Variants in SCML4 observed in about 807,000 individuals in gnomAD.
SCML4 encodes Scm polycomb group protein like 4.
Under a neutral mutation model 41.1 loss-of-function variants are expected in SCML4, and 34 were observed. The ratio of observed to expected loss-of-function variants is 0.83; its 90% CI spans 0.63 to 1.10. SCML4 has a LOEUF of 1.10. SCML4 is among the 50% of genes least tolerant of loss of function. SCML4 has a pLI of 0.00. For missense variants in SCML4, 522 were observed against 534.1 expected (o/e 0.98, Z 0.22); for synonymous variants, 214 against 220.9 (o/e 0.97, Z 0.28).
chr6:107,802,678 C>A (rs1379786300), intron 1 of SCML4, among the ~76,000 whole-genome samples: 1 of 2,420 alleles, frequency 4.1e-4, no homozygotes, highest in African/African-American at 5.1e-4. Flanking sequence ...TCCCTCCTCT[C>A]CCTCTCCCTC....
At chr6:107,802,817 C>A (rs1783312526) in intron 1 of SCML4, among the ~76,000 whole-genome samples, 1 of 151,282 alleles carries the variant, frequency 6.6e-6, no homozygotes, top group African/African-American at 2.4e-5. Context: ...TGTACTGCTG[C>A]CATCTCGGCT....
chr6:107,713,272 C>T (rs1391757265), intron 6 of SCML4, among the ~76,000 whole-genome samples: 1 of 152,204 alleles, frequency 6.6e-6, no homozygotes, highest in African/African-American at 2.4e-5. Flanking sequence ...TGTGGAGGAG[C>T]GGAATTAGCA....
At chr6:107,757,288 G>A (rs888128002) in intron 2 of SCML4, among the ~76,000 whole-genome samples, 2 of 152,154 alleles carry the variant, frequency 1.3e-5, no homozygotes, top group African/African-American at 4.8e-5. Flanking sequence ...GGAGATGTGC[G>A]GTCAAGAGCA....
intron 1 of SCML4, among the ~76,000 whole-genome samples, chr6:107,804,221 T>A (rs373572315): frequency 8.1e-5 from 12 of 148,524 alleles, no homozygotes; most frequent in African/African-American, 3.0e-4. Context: ...CTGTACTAAT[T>A]TGCTAATTTA....
intron 1 of SCML4, among the ~76,000 whole-genome samples, chr6:107,795,614 A>G (rs1782649330): frequency 6.6e-6 from 1 of 151,844 alleles, no homozygotes; most frequent in Non-Finnish European, 1.5e-5. Context: ...TGCAACCTCC[A>G]CTTCCCGGGT....
chr6:107,729,617 C>T (rs564406863), intron 5 of SCML4, among the ~76,000 whole-genome samples: 5 of 152,250 alleles, frequency 3.3e-5, no homozygotes, highest in South Asian at 2.1e-4. Flanking sequence ...TGTACATCCA[C>T]GACATATAAT....
intron 6 of SCML4, chr6:107,718,845 C>G (rs965867101): frequency 1.3e-5 from 2 of 152,114 alleles, no homozygotes; most frequent in African/African-American, 4.8e-5. Flanking sequence ...GATCACCACC[C>G]TGAGAAAAGG....
At chr6:107,842,075 C>T in the SCML4 span, among the ~76,000 whole-genome samples, 1 of 152,192 alleles carries the variant, frequency 6.6e-6, no homozygotes, top group Non-Finnish European at 1.5e-5. Flanking sequence ...AAATTTTCCT[C>T]TAAAGCACTG....
the SCML4 span, among the ~76,000 whole-genome samples, chr6:107,832,916 T>C: frequency 1.3e-5 from 2 of 152,176 alleles, no homozygotes; most frequent in African/African-American, 4.8e-5. Flanking sequence ...CAGAAACTCA[T>C]GAAGAGACTG....
the SCML4 span, among the ~76,000 whole-genome samples, chr6:107,832,404 C>T: frequency 2.6e-5 from 4 of 152,248 alleles, no homozygotes; most frequent in Admixed American, 6.5e-5. Context: ...GCTTCCAGGC[C>T]ACATGCTTCC....
At chr6:107,826,835 G>A (rs1404136780), upstream of SCML4, among the ~76,000 whole-genome samples, 3 of 152,188 alleles carry the variant, frequency 2.0e-5, no homozygotes, top group Non-Finnish European at 4.4e-5. Flanking sequence ...AGGCTGAGGT[G>A]GGCAGATCAC....
intron 2 of SCML4, among the ~76,000 whole-genome samples, chr6:107,771,597 G>A (rs2114569925): frequency 6.6e-6 from 1 of 152,290 alleles, no homozygotes; most frequent in African/African-American, 2.4e-5. Flanking sequence ...TGCCTGATAT[G>A]CCTCCTTGTA....
At chr6:107,841,919 A>G in the SCML4 span, among the ~76,000 whole-genome samples, 1 of 152,104 alleles carries the variant, frequency 6.6e-6, no homozygotes, top group Non-Finnish European at 1.5e-5. Flanking sequence ...TCTTGTTTTA[A>G]TATTATTGAT....
rs1369888976 is a variant in SCML4, at chr6:107,703,017, C to T, written c.*2183G>A. Among the ~76,000 whole-genome samples the T allele has an allele frequency of 6.6e-6, 1 of 152,156 alleles. No individual in the cohort carries two copies. The highest frequency in any genetic ancestry group is 1.5e-5 in the Non-Finnish European group (1 of 68,032). On this transcript the variant is annotated 3_prime_UTR_variant, in exon 8 of 8. Transcript: ENST00000369020. ...GCAACGAGAGTGACCTCTGGTTGTC[C>T]TCGCTGCTATACTACCACCAGTGCC...
chr6:107,721,133 C>T (rs1775369449), intron 5 of SCML4, 140 bp from the exon 6 acceptor site: 4 of 986,270 alleles, frequency 4.1e-6, no homozygotes, highest in Non-Finnish European at 5.7e-6. Flanking sequence ...ATGAACCTCA[C>T]AACATAATTC....
chr6:107,759,897 G>C (rs1779444451), intron 2 of SCML4, among the ~76,000 whole-genome samples: 1 of 152,232 alleles, frequency 6.6e-6, no homozygotes, highest in South Asian at 2.1e-4. Context: ...CAGGGCAGTG[G>C]CAAGAATACA....
chr6:107,839,337 GAGAA>G, the SCML4 span, among the ~76,000 whole-genome samples: 26 of 13,132 alleles, frequency 2.0e-3, no homozygotes, highest in South Asian at 0.079. Context: ...GAAAGAGAGA[GAGAA>G]AAAGAAAGAA....
chr6:107,771,827 C>G (rs1398687515), intron 2 of SCML4, among the ~76,000 whole-genome samples: 2 of 152,084 alleles, frequency 1.3e-5, no homozygotes, highest in East Asian at 1.9e-4. Context: ...CAAGATTTAC[C>G]CTAGTAGGAA....
rs976873029 is a variant in SCML4 at position 107,748,115 on chromosome 6, G to C, written c.287-1226C>G. ...CCTTCACTTTCAATGACATGGTACA[G>C]CATTGTCTAATAAGCATTGCATACA... On this transcript the variant is annotated intron_variant, in intron 3 of 7. Coordinates refer to ENST00000369020, the MANE Select transcript of SCML4 (RefSeq NM_198081.5). 3.3e-5 allele frequency among the ~76,000 whole-genome samples: 5 copies of C among 152,346 alleles called. No homozygotes were observed. The East Asian group carries it at 9.6e-4, about 29-fold the overall frequency.
Sources: gnomAD v4.1 joint callset for allele counts (sites outside exome capture counted in the v4.1 genomes callset) on GRCh38, gnomAD v4.1.1 for gene constraint, MANE v1.5 for transcripts, NCBI Gene and HGNC (gene_info 2026-07-23, HGNC 2026-07-21) for gene names.